Variants in NDUFS4 observed in about 807,000 individuals in gnomAD.
NDUFS4 encodes NADH dehydrogenase [ubiquinone] iron-sulfur protein 4, mitochondrial.
Under a neutral mutation model 24.3 loss-of-function variants are expected in NDUFS4, and 28 were observed. The ratio of observed to expected loss-of-function variants is 1.15; its 90% CI spans 0.85 to 1.58. NDUFS4 has a LOEUF of 1.58. NDUFS4 is among the 40% of genes most tolerant of loss of function. The pLI is 0.00. For synonymous variants in NDUFS4, 93 were observed against 69.7 expected (o/e 1.34, Z -1.67); for missense variants, 223 against 207.9 (o/e 1.07, Z -0.45).
chr5:53,570,535 C>T (rs1487938604), intron 1 of NDUFS4, among the ~76,000 whole-genome samples: 1 of 152,034 alleles, frequency 6.6e-6, no homozygotes, highest in Admixed American at 6.6e-5. Context: ...GTAGAAGATT[C>T]CTGGGTCATA....
chr5:53,591,170 T>G (rs951903243), intron 1 of NDUFS4, among the ~76,000 whole-genome samples: 1 of 152,190 alleles, frequency 6.6e-6, no homozygotes, highest in African/African-American at 2.4e-5. Flanking sequence ...TGTTTACACA[T>G]TCATCTGCCA....
intron 2 of NDUFS4, among the ~76,000 whole-genome samples, chr5:53,635,554 C>A (rs1334802287): frequency 6.6e-6 from 1 of 151,952 alleles, no homozygotes; most frequent in Non-Finnish European, 1.5e-5. Flanking sequence ...AAAAAGAATC[C>A]TGAAGTATTG....
chr5:53,601,312 T>C (rs1366439814), intron 1 of NDUFS4, among the ~76,000 whole-genome samples: 1 of 152,190 alleles, frequency 6.6e-6, no homozygotes, highest in Non-Finnish European at 1.5e-5. Context: ...TACACATGTT[T>C]ACAAAAGATG....
intron 1 of NDUFS4, among the ~76,000 whole-genome samples, chr5:53,575,993 C>T (rs1272461599): frequency 6.6e-6 from 1 of 152,186 alleles, no homozygotes; most frequent in Non-Finnish European, 1.5e-5. Context: ...AAAGATGTTG[C>T]CCATGTAAGT....
intron 1 of NDUFS4, among the ~76,000 whole-genome samples, chr5:53,562,677 T>C (rs868778262): frequency 7.9e-5 from 12 of 152,336 alleles, no homozygotes; most frequent in African/African-American, 2.6e-4. Context: ...TTCATCCTAA[T>C]TTGAGGGAAA....
rs568097057 is a variant in NDUFS4 at position 53,660,268 on chromosome 5, C to T, written c.424+1644C>T. On this transcript the variant is annotated intron_variant, in intron 4 of 4. Transcript: ENST00000296684. ...GCGGTGTTTGCTTTTTTTGTCCTTG[C>T]GATAGTTTGCTGAGAATGATGGTTT... 1.7e-3 allele frequency among the ~76,000 whole-genome samples: 254 copies of T among 150,784 alleles called. 1 individual carries two copies. Among genetic ancestry groups the T allele is most frequent in the African/African-American group, 5.5e-3 (226 of 41,122 alleles).
intron 4 of NDUFS4, among the ~76,000 whole-genome samples, chr5:53,666,974 T>C (rs577173279): frequency 1.3e-5 from 2 of 152,070 alleles, no homozygotes; most frequent in Non-Finnish European, 2.9e-5. Context: ...ACATATTTCT[T>C]TACTCAAGAA....
chr5:53,629,608 G>T (rs1453390680), intron 2 of NDUFS4, among the ~76,000 whole-genome samples: 1 of 152,124 alleles, frequency 6.6e-6, no homozygotes, highest in Non-Finnish European at 1.5e-5. Context: ...TCTTCTTGTT[G>T]AATTGATCCC....
At chr5:53,573,913 A>G (rs1039946341) in intron 1 of NDUFS4, among the ~76,000 whole-genome samples, 5 of 152,200 alleles carry the variant, frequency 3.3e-5, no homozygotes, top group African/African-American at 1.2e-4. Context: ...TTGAAATTGT[A>G]TATTGCTGTA....
rs192833755 is a variant in NDUFS4, at chr5:53,592,801, G to T, written c.99-10651G>T. On this transcript the variant is annotated intron_variant, in intron 1 of 4. Coordinates refer to ENST00000296684, the MANE Select transcript of NDUFS4 (RefSeq NM_002495.4). ...AGTGTGTAGTAAGTCTTAAAGTCGG[G>T]TAATAACAGTTTTCTGACTTCATTC... Among the ~76,000 whole-genome samples the T allele has an allele frequency of 1.1e-4, 16 of 152,234 alleles. No individual in the cohort carries two copies. In the East Asian group the frequency reaches 2.5e-3, roughly 24 times the overall value.
intron 3 of NDUFS4, among the ~76,000 whole-genome samples, chr5:53,655,040 T>C (rs1357052414): frequency 6.6e-6 from 1 of 152,202 alleles, no homozygotes; most frequent in African/African-American, 2.4e-5. Context: ...TGTTCATTAG[T>C]GTCTAGTAAA....
intron 2 of NDUFS4, among the ~76,000 whole-genome samples, chr5:53,620,799 A>G (rs1176968706): frequency 1.3e-5 from 2 of 152,212 alleles, no homozygotes; most frequent in African/African-American, 4.8e-5. Flanking sequence ...TTAATTCTGT[A>G]GTCAGCAACA....
intron 2 of NDUFS4, among the ~76,000 whole-genome samples, chr5:53,645,668 G>C (rs927506891): frequency 2.6e-5 from 4 of 152,152 alleles, no homozygotes; most frequent in African/African-American, 9.7e-5. Flanking sequence ...TCACCAAAGG[G>C]GGGAGATACA....
chr5:53,580,994 C>T (rs573732422), intron 1 of NDUFS4, among the ~76,000 whole-genome samples: 41 of 152,130 alleles, frequency 2.7e-4, no homozygotes, highest in African/African-American at 9.4e-4. Flanking sequence ...CCACCGTGCC[C>T]GGCTAATTTT....
At chr5:53,618,130 A>AG (rs1469380798) in intron 2 of NDUFS4, among the ~76,000 whole-genome samples, 3 of 151,924 alleles carry the variant, frequency 2.0e-5, no homozygotes, top group Admixed American at 2.0e-4. Context: ...AAATTAGCCG[A>AG]GGGTAGTGGC....
At chr5:53,628,752 T>G (rs1199929999) in intron 2 of NDUFS4, among the ~76,000 whole-genome samples, 1 of 152,186 alleles carries the variant, frequency 6.6e-6, no homozygotes, top group Non-Finnish European at 1.5e-5. Flanking sequence ...ATTTAGTCTA[T>G]TTGATTCTTC....
At chr5:53,628,616 G>C (rs1423623723) in intron 2 of NDUFS4, among the ~76,000 whole-genome samples, 2 of 152,114 alleles carry the variant, frequency 1.3e-5, no homozygotes, top group African/African-American at 4.8e-5. Flanking sequence ...GAGGGTTTAT[G>C]TGTTCAGGAA....
chr5:53,594,299 G>A (rs2112445729), intron 1 of NDUFS4, among the ~76,000 whole-genome samples: 1 of 152,150 alleles, frequency 6.6e-6, no homozygotes, highest in South Asian at 2.1e-4. Context: ...CTTCATCCCT[G>A]ATAATTTTTC....
intron 2 of NDUFS4, among the ~76,000 whole-genome samples, chr5:53,630,265 G>T (rs1751370438): frequency 6.6e-6 from 1 of 152,076 alleles, no homozygotes; most frequent in Non-Finnish European, 1.5e-5. Context: ...AGTCTGATGG[G>T]CTTCCCTTTG....
Sources: allele counts gnomAD v4.1 joint callset (sites outside exome capture counted in the v4.1 genomes callset), GRCh38; gene constraint gnomAD v4.1.1; transcripts MANE v1.5; gene names NCBI Gene and HGNC (gene_info 2026-07-23, HGNC 2026-07-21).